The following COL25A1 variants were observed in gnomAD, a reference collection of about 807,000 sequenced individuals.
COL25A1 encodes the protein collagen alpha-1(XXV) chain.
COL25A1 carries 103 observed loss-of-function variants against 128.4 expected under a neutral mutation model. The ratio of observed to expected loss-of-function variants is 0.80; its 90% CI spans 0.68 to 0.94. COL25A1 has a LOEUF of 0.94. Ranked by LOEUF, COL25A1 falls within the 40% of genes least tolerant of loss-of-function variation. The pLI, the probability that COL25A1 is intolerant of heterozygous loss-of-function variation, is 0.00. For synonymous variants in COL25A1, 279 were observed against 277.2 expected (o/e 1.01, Z -0.06); for missense variants, 745 against 840.0 (o/e 0.89, Z 1.40).
chr4:109,033,648 A>G (rs1267341491), intron 5 of COL25A1, among the ~76,000 whole-genome samples: 1 of 152,212 alleles, frequency 6.6e-6, no homozygotes, highest in Non-Finnish European at 1.5e-5. Flanking sequence ...ATTGTCTTCA[A>G]CATCTCCCTT....
chr4:109,272,317 T>C (rs1044089663), intron 3 of COL25A1, among the ~76,000 whole-genome samples: 9 of 152,222 alleles, frequency 5.9e-5, no homozygotes, highest in African/African-American at 2.2e-4. Flanking sequence ...AAATTGTTCA[T>C]TGATGTGTGC....
chr4:108,992,313 T>C (rs4330419), intron 6 of COL25A1, among the ~76,000 whole-genome samples: 121,059 of 152,094 alleles, frequency 0.8, 49,343 homozygotes, highest in East Asian at 1. Flanking sequence ...TACAATGTCC[T>C]ACTATTTCAC....
rs546611457 is a variant in COL25A1, at chr4:109,290,521, T to C, written c.367+10062A>G. ...AAAACTTCCAGATGCTTAACATGTATGGTAGTACTAAGTCACACTTGTCAG... is the reference window on the plus strand; with the variant it reads ...AAAACTTCCAGATGCTTAACATGTACGGTAGTACTAAGTCACACTTGTCAG... On this transcript the variant is annotated intron_variant, in intron 3 of 37. Coordinates refer to ENST00000399132, the MANE Select transcript of COL25A1 (RefSeq NM_198721.4). Among the ~76,000 whole-genome samples the C allele has an allele frequency of 5.3e-5, 8 of 152,238 alleles. No homozygotes were observed. In the South Asian group the frequency reaches 1.5e-3, roughly 28 times the overall value.
At chr4:109,247,733 AG>A (rs1330643083) in intron 3 of COL25A1, among the ~76,000 whole-genome samples, 12 of 152,260 alleles carry the variant, frequency 7.9e-5, no homozygotes, top group Admixed American at 7.2e-4. Flanking sequence ...GATAACCACC[AG>A]GTAGTTAAAA....
At chr4:109,014,300 C>G (rs1756999228) in intron 5 of COL25A1, among the ~76,000 whole-genome samples, 2 of 117,674 alleles carry the variant, frequency 1.7e-5, no homozygotes, top group African/African-American at 8.8e-5. Context: ...GAGTGACACT[C>G]TGTCTCAAAA....
rs578025006 is a variant in COL25A1, at chr4:109,245,903, C to T, written c.367+54680G>A. Among the ~76,000 whole-genome samples the T allele has an allele frequency of 1.1e-3, 172 of 151,542 alleles. 1 individual carries two copies. The highest frequency in any genetic ancestry group is 1.9e-3 in the Non-Finnish European group (132 of 67,924). ...CCAGGGATCAGGATCAGGGTTAGGC[C>T]GGCTGATGGAAGACCAGGGGCCCTT... On this transcript the variant is annotated intron_variant, in intron 3 of 37. Coordinates refer to ENST00000399132, the MANE Select transcript of COL25A1 (RefSeq NM_198721.4).
In COL25A1 at chr4:109,300,775, T is replaced by A. The variant is rs183247430; in HGVS notation, c.298-123A>T. The A allele has an allele frequency of 6.0e-4, 400 of 667,322 alleles. 1 individual carries two copies. Among genetic ancestry groups the A allele is most frequent in the Non-Finnish European group, 8.8e-4 (332 of 375,940 alleles). 41.3% of individuals were successfully genotyped at this position (667,322 alleles called of 1,614,324 possible). On this transcript the variant is annotated intron_variant, in intron 2 of 37. Coordinates refer to ENST00000399132, the MANE Select transcript of COL25A1 (RefSeq NM_198721.4). The stretch of plus-strand genomic sequence containing the variant: ...ATAACCTGCATAACTAACATTTACA[T>A]ATGTACTTGGACTCTAGTCAAGAAA...
intron 3 of COL25A1, among the ~76,000 whole-genome samples, chr4:109,058,400 C>T (rs1459436282): frequency 6.6e-6 from 1 of 151,952 alleles, no homozygotes; most frequent in African/African-American, 2.4e-5. Context: ...ATTATCTATA[C>T]AACGTAATAT....
intron 3 of COL25A1, among the ~76,000 whole-genome samples, chr4:109,119,806 C>T (rs1217286730): frequency 1.3e-5 from 2 of 151,962 alleles, no homozygotes; most frequent in African/African-American, 2.4e-5. Flanking sequence ...ATCCTAACAC[C>T]AAAACCAGTT....
intron 3 of COL25A1, among the ~76,000 whole-genome samples, chr4:109,199,989 T>C (rs1776422449): frequency 6.6e-6 from 1 of 152,232 alleles, no homozygotes; most frequent in Admixed American, 6.5e-5. Context: ...ATTTCAGGAC[T>C]GTGGGTTATC....
chr4:109,066,401 C>T (rs1266309303), intron 3 of COL25A1, among the ~76,000 whole-genome samples: 1 of 152,180 alleles, frequency 6.6e-6, no homozygotes, highest in African/African-American at 2.4e-5. Context: ...AGACTGGCAT[C>T]CACTATGATT....
At chr4:109,085,962 C>A (rs1265646461) in intron 3 of COL25A1, among the ~76,000 whole-genome samples, 1 of 152,114 alleles carries the variant, frequency 6.6e-6, no homozygotes, top group Admixed American at 6.6e-5. Context: ...TACAACCAGC[C>A]AAAGGAGGAA....
rs1373743204 is a variant in COL25A1, at chr4:109,302,200, C to G, written c.-88G>C. 3 of 703,674 alleles carry G rather than the reference C, an allele frequency of 4.3e-6. No individual in the cohort carries two copies. Among genetic ancestry groups the G allele is most frequent in the Non-Finnish European group, 4.4e-6 (2 of 450,500 alleles). The allele number at this position is 703,674 out of a possible 1,614,324, so 43.6% of individuals were successfully genotyped here. ...CTTGCTCAGCGTCCAGACCCGCAGG[C>G]GTGCACCATCCCCGCTTTCTTCTCT... On this transcript the variant is annotated 5_prime_UTR_variant, in exon 1 of 38. Transcript: ENST00000399132.
At chr4:108,994,627 C>A (rs997172880) in intron 6 of COL25A1, among the ~76,000 whole-genome samples, 1 of 152,196 alleles carries the variant, frequency 6.6e-6, no homozygotes, top group Non-Finnish European at 1.5e-5. Context: ...CTCAGAACGA[C>A]GTTCAAGCTC....
intron 19 of COL25A1, among the ~76,000 whole-genome samples, chr4:108,883,352 T>C (rs1391315909): frequency 6.6e-6 from 1 of 152,156 alleles, no homozygotes; most frequent in Non-Finnish European, 1.5e-5. Context: ...AATGGACTAA[T>C]GTACAACAGA....
intron 3 of COL25A1, among the ~76,000 whole-genome samples, chr4:109,088,754 G>A (rs747978439): frequency 5.9e-5 from 9 of 152,146 alleles, no homozygotes; most frequent in Non-Finnish European, 1.0e-4. Flanking sequence ...TCTTCTCTGC[G>A]GGGCCACATG....
chr4:108,889,430 T>C (rs936123599), intron 17 of COL25A1, among the ~76,000 whole-genome samples, 174 bp from the exon 18 acceptor site: 4 of 151,692 alleles, frequency 2.6e-5, no homozygotes, highest in African/African-American at 9.7e-5. Flanking sequence ...TTTTTTTTTT[T>C]TTTTTTTGCT....
At chr4:109,209,656 A>C (rs1777332025) in intron 3 of COL25A1, among the ~76,000 whole-genome samples, 1 of 152,182 alleles carries the variant, frequency 6.6e-6, no homozygotes, top group South Asian at 2.1e-4. Flanking sequence ...TTTGAAATAC[A>C]GACTATTTCT....
At chr4:109,069,203 T>G (rs2125980094) in intron 3 of COL25A1, among the ~76,000 whole-genome samples, 2 of 151,728 alleles carry the variant, frequency 1.3e-5, no homozygotes, top group East Asian at 3.9e-4. Context: ...TAACAATACC[T>G]AATTAGTTTT....
Sources: gnomAD v4.1 joint callset for allele counts (sites outside exome capture counted in the v4.1 genomes callset) on GRCh38, gnomAD v4.1.1 for gene constraint, MANE v1.5 for transcripts, NCBI Gene and HGNC (gene_info 2026-07-23, HGNC 2026-07-21) for gene names.